Variants in ISLR2 observed in about 807,000 individuals in gnomAD.
The protein encoded by ISLR2 is immunoglobulin superfamily containing leucine rich repeat 2, also known as immunoglobulin superfamily containing leucine-rich repeat protein 2.
A neutral mutation model predicts 25.5 loss-of-function variants in ISLR2; 16 were observed. That is an observed-to-expected ratio of 0.63 (90% CI 0.43 to 0.95). The LOEUF is 0.95. ISLR2 is among the 40% of genes least tolerant of loss of function. The pLI, the probability that ISLR2 is intolerant of heterozygous loss-of-function variation, is 0.00. For synonymous variants in ISLR2, 508 were observed against 486.6 expected (o/e 1.04, Z -0.58); for missense variants, 883 against 1,030.7 (o/e 0.86, Z 1.96).
rs2072453127 is a variant in ISLR2, at chr15:74,132,804, C to G, written c.50C>G (p.Ala17Gly). The change falls in exon 3 of 3, where the codon GCC (alanine) becomes GGC (glycine). Residue 17 changes from alanine to glycine, a missense_variant. Physicochemically the swap from Ala to Gly is moderately conservative, Grantham distance 60 (BLOSUM62 0). This residue lies in a region of ISLR2 where 271 missense variants were observed against 387.9 expected (regional missense o/e 0.70). Transcript: ENST00000453268. This position sits in a 1 kb window ranked among gnomAD's most constrained non-coding sequence, Gnocchi z 4.3. Reference protein sequence around the residue: ...LWLVWALLGVAGSCPEPCACV... With the variant: ...LWLVWALLGVGGSCPEPCACV... ...TTGGTCTGGGCGCTTCTAGGAGTGG[C>G]CGGATCATGCCCGGAGCCGTGCGCC... is the stretch of plus-strand genomic sequence containing the variant. 2 of 1,614,004 alleles carry G rather than the reference C, an allele frequency of 1.2e-6. No individual in the cohort carries two copies. Among genetic ancestry groups the G allele is most frequent in the African/African-American group, 1.3e-5 (1 of 74,946 alleles).
chr15:74,139,719 T>C (rs2072600666), downstream of ISLR2, among the ~76,000 whole-genome samples: 1 of 152,234 alleles, frequency 6.6e-6, no homozygotes. Flanking sequence ...CCTCTCTCCC[T>C]GGCTCCAAGG....
chr15:74,110,152 AT>A (rs2072154552), intron 2 of ISLR2, among the ~76,000 whole-genome samples: 1 of 152,238 alleles, frequency 6.6e-6, no homozygotes, highest in African/African-American at 2.4e-5. Context: ...GGAAATGCAA[AT>A]TAAAACCACG....
chr15:74,136,252 G>T lies in ISLR2; in HGVS notation c.*1260G>T. 6.0e-6 allele frequency: 1 copy of T among 166,644 alleles called. No individual in the cohort carries two copies. The allele number at this position is 166,644 out of a possible 1,614,324, so 10.3% of individuals were successfully genotyped here. ...CAGCGCCGCTCCCGCGGCTCCACCC[G>T]ACCCAGACCCTAGCTGGAAAGCGCC... On this transcript the variant is annotated 3_prime_UTR_variant, in exon 3 of 3. Coordinates refer to ENST00000453268, the MANE Select transcript of ISLR2 (RefSeq NM_020851.3).
intron 1 of ISLR2, 124 bp downstream of exon 1, chr15:74,130,745 C>G (rs2072393437): frequency 6.6e-6 from 1 of 152,166 alleles, no homozygotes; most frequent in African/African-American, 2.4e-5. Flanking sequence ...GCGATTATTA[C>G]CTGACCATGG....
chr15:74,133,040 G>A lies in ISLR2; in HGVS notation c.286G>A (p.Ala96Thr), dbSNP rs371096859. Reference protein sequence around the residue: ...EVRTVEPGALAVLSQLKNLDL... With the variant: ...EVRTVEPGALTVLSQLKNLDL... Reference sequence around the variant, plus strand: ...GCGCACCGTGGAGCCAGGCGCACTGGCCGTGCTGAGTCAGCTCAAGAACCT... The same window carrying A: ...GCGCACCGTGGAGCCAGGCGCACTGACCGTGCTGAGTCAGCTCAAGAACCT... The change falls in exon 3 of 3, where the codon GCC becomes ACC. Residue 96 changes from alanine (A) to threonine (T), a missense_variant. Coordinates refer to ENST00000453268, the MANE Select transcript of ISLR2 (RefSeq NM_020851.3). 1 of 1,613,076 alleles carries A rather than the reference G, an allele frequency of 6.2e-7. No homozygotes were observed. The highest frequency in any genetic ancestry group is 8.5e-7 in the Non-Finnish European group (1 of 1,179,948).
intron 2 of ISLR2, among the ~76,000 whole-genome samples, chr15:74,120,521 CAAA>C (rs61636299): frequency 2.1e-5 from 1 of 47,462 alleles, no homozygotes; most frequent in African/African-American, 7.5e-5. Context: ...GACTCCATCT[CAAA>C]AAAAAAAAAA....
intron 1 of ISLR2, among the ~76,000 whole-genome samples, 177 bp downstream of exon 1, chr15:74,130,798 G>A (rs1051073337): frequency 6.6e-6 from 1 of 152,032 alleles, no homozygotes; most frequent in African/African-American, 2.4e-5. Context: ...AGGGTGTGAG[G>A]GACTGTGTGC....
At chr15:74,130,516 C>T (rs2072387360), upstream of ISLR2, 1 of 152,612 alleles carries the variant, frequency 6.6e-6, no homozygotes, top group African/African-American at 2.4e-5. Context: ...TTTCCTTCCC[C>T]CAAATTCCTC....
rs1237106644 is a variant in ISLR2 at position 74,134,365 on chromosome 15, C to T, written c.1611C>T (p.Gly537=). The T allele has an allele frequency of 3.1e-6, 5 of 1,600,766 alleles. No homozygotes were observed. Among genetic ancestry groups the T allele is most frequent in the Admixed American group, 1.7e-5 (1 of 58,196 alleles). ...LRLLYLCPAG[G]GAAVQWSRVE... Reference sequence around the variant, plus strand: ...TACTCTATCTGTGTCCAGCGGGGGGCGGCGCGGCAGTGCAGTGGTCCCGCG... The same window carrying T: ...TACTCTATCTGTGTCCAGCGGGGGGTGGCGCGGCAGTGCAGTGGTCCCGCG... Residue 537 remains glycine, a synonymous_variant, in exon 3 of 3, where the codon GGC becomes GGT. Coordinates refer to ENST00000453268, the MANE Select transcript of ISLR2 (RefSeq NM_020851.3).
chr15:74,140,770 G>A (rs962445042), downstream of ISLR2, among the ~76,000 whole-genome samples: 2 of 152,214 alleles, frequency 1.3e-5, no homozygotes, highest in Admixed American at 6.5e-5. Context: ...AGCCATTTCA[G>A]TTGTAATGTG....
chr15:74,138,226 A>G (rs1259515181), downstream of ISLR2: 1 of 151,100 alleles, frequency 6.6e-6, no homozygotes, highest in East Asian at 1.9e-4. Context: ...CCTAACACAA[A>G]GTCTGAGATT....
At chr15:74,104,117 G>A (rs1417261845) in intron 2 of ISLR2, among the ~76,000 whole-genome samples, 2 of 152,250 alleles carry the variant, frequency 1.3e-5, no homozygotes, top group Non-Finnish European at 2.9e-5. Context: ...GTCAGGAGCA[G>A]TATGTGCTAT....
In ISLR2 at chr15:74,132,805, C is replaced by T. The variant is rs372507045; in HGVS notation, c.51C>T (p.Ala17=). 4.3e-6 allele frequency: 7 copies of T among 1,613,972 alleles called. No individual in the cohort carries two copies. Among genetic ancestry groups the T allele is most frequent in the Non-Finnish European group, 5.9e-6 (7 of 1,179,966 alleles). ...TGGTCTGGGCGCTTCTAGGAGTGGC[C>T]GGATCATGCCCGGAGCCGTGCGCCT... The part of the protein sequence containing the change: ...LWLVWALLGV[A]GSCPEPCACV... Residue 17 remains alanine (A), a synonymous_variant, in exon 3 of 3, where the codon GCC becomes GCT. Coordinates refer to ENST00000453268, the MANE Select transcript of ISLR2 (RefSeq NM_020851.3). The surrounding 1 kb of genome is among the most constrained non-coding windows in gnomAD (Gnocchi z 4.3).
intron 2 of ISLR2, among the ~76,000 whole-genome samples, chr15:74,119,448 T>G (rs1252732446): frequency 1.3e-5 from 2 of 152,104 alleles, no homozygotes; most frequent in African/African-American, 4.8e-5. Flanking sequence ...TGGGCTCAAG[T>G]GGTCCTCCCA....
At position 74,104,689 on chromosome 15, in the gene ISLR2, G is replaced by A. The variant is rs527377101; in HGVS notation, n.228+775G>A. Among the ~76,000 whole-genome samples, 269 of 152,160 alleles carry A rather than the reference G, an allele frequency of 1.8e-3. 1 individual carries two copies. Among genetic ancestry groups the A allele is most frequent in the African/African-American group, 6.1e-3 (253 of 41,496 alleles). On this transcript the variant is annotated intron_variant and non_coding_transcript_variant, in intron 2 of 3. Transcript: ENST00000561975. ...TCCCAGCTGCTGAGGTGGGAGTATC[G>A]CTTGAGCCCAGGAGTTGGAGGCTAT...
At chr15:74,122,511 T>C (rs2072260894) in intron 2 of ISLR2, among the ~76,000 whole-genome samples, 1 of 152,224 alleles carries the variant, frequency 6.6e-6, no homozygotes, top group Non-Finnish European at 1.5e-5. Flanking sequence ...CTTCCTGGGA[T>C]CAGTCCAACA....
chr15:74,117,403 A>C (rs975574657), intron 2 of ISLR2, among the ~76,000 whole-genome samples: 1 of 152,118 alleles, frequency 6.6e-6, no homozygotes, highest in African/African-American at 2.4e-5. Flanking sequence ...AAATCAGGAA[A>C]TATCTTAGGG....
intron 2 of ISLR2, among the ~76,000 whole-genome samples, chr15:74,120,447 G>T (rs548817235): frequency 6.6e-6 from 1 of 151,582 alleles, no homozygotes; most frequent in Non-Finnish European, 1.5e-5. Flanking sequence ...GCTTGAACCC[G>T]GGAGGTGGAG....
chr15:74,128,646 GA>G (rs1567159124), upstream of ISLR2: 1 of 456,496 alleles, frequency 2.2e-6, no homozygotes, highest in South Asian at 1.5e-5. Context: ...AAAAAAGAAA[GA>G]AAGAAAATAG....
Sources: allele counts gnomAD v4.1 joint callset (sites outside exome capture counted in the v4.1 genomes callset), GRCh38; gene constraint gnomAD v4.1.1; regional missense constraint gnomAD v4.1.1; non-coding constraint Gnocchi (gnomAD v3.1); transcripts MANE v1.5; gene names NCBI Gene and HGNC (gene_info 2026-07-23, HGNC 2026-07-21).